Variants in KIAA1328 observed in about 807,000 individuals in gnomAD.
KIAA1328 encodes the protein protein hinderin.
A neutral mutation model predicts 68.1 loss-of-function variants in KIAA1328; 52 were observed. The ratio of observed to expected loss-of-function variants is 0.76; its 90% CI spans 0.61 to 0.96. The LOEUF (loss-of-function observed/expected upper bound fraction) is 0.96. KIAA1328 is among the 40% of genes least tolerant of loss of function. KIAA1328 has a pLI of 0.00. For missense variants in KIAA1328, 641 were observed against 677.6 expected, an observed-to-expected ratio of 0.95 and a Z score of 0.60; for synonymous variants, 232 against 239.4, an observed-to-expected ratio of 0.97 and a Z score of 0.28.
chr18:37,129,698 T>A (rs1010865246), intron 7 of KIAA1328, among the ~76,000 whole-genome samples: 4 of 152,214 alleles, frequency 2.6e-5, no homozygotes, highest in Non-Finnish European at 4.4e-5. Flanking sequence ...AATATTTACA[T>A]AATCATAATA....
chr18:37,054,825 T>G (rs1012799531), intron 6 of KIAA1328, among the ~76,000 whole-genome samples: 8 of 152,150 alleles, frequency 5.3e-5, no homozygotes, highest in Non-Finnish European at 1.2e-4. Context: ...TTAAAAAGAT[T>G]ATGAGATTTA....
At chr18:36,957,295 T>A (rs576951186) in intron 5 of KIAA1328, among the ~76,000 whole-genome samples, 2 of 152,198 alleles carry the variant, frequency 1.3e-5, no homozygotes, top group South Asian at 4.1e-4. Flanking sequence ...ACAGAATAAA[T>A]CCCATTGGAT....
At chr18:36,962,528 G>A (rs2051726420) in intron 6 of KIAA1328, among the ~76,000 whole-genome samples, 1 of 152,122 alleles carries the variant, frequency 6.6e-6, no homozygotes, top group Non-Finnish European at 1.5e-5. Context: ...ATTCTTCTCA[G>A]CACCACATCA....
chr18:36,968,622 C>G (rs2052041641), intron 6 of KIAA1328, among the ~76,000 whole-genome samples: 1 of 152,108 alleles, frequency 6.6e-6, no homozygotes, highest in Non-Finnish European at 1.5e-5. Flanking sequence ...CACAAGGCGA[C>G]CCAGATTCAT....
At chr18:37,216,702 G>A (rs563002083) in intron 9 of KIAA1328, among the ~76,000 whole-genome samples, 3 of 152,064 alleles carry the variant, frequency 2.0e-5, no homozygotes, top group Non-Finnish European at 2.9e-5. Context: ...CTGCTGTCTC[G>A]TTGATCTATC....
At chr18:37,054,384 C>T (rs1374285196) in intron 6 of KIAA1328, among the ~76,000 whole-genome samples, 1 of 152,070 alleles carries the variant, frequency 6.6e-6, no homozygotes, top group Non-Finnish European at 1.5e-5. Flanking sequence ...CAGCACTATT[C>T]ACAATAGCAA....
intron 5 of KIAA1328, among the ~76,000 whole-genome samples, chr18:36,915,719 A>T (rs2049667818): frequency 6.6e-6 from 1 of 152,056 alleles, no homozygotes; most frequent in Non-Finnish European, 1.5e-5. Context: ...AAATTCTCAT[A>T]TGTTGCTCAT....
rs902563013 is a variant in KIAA1328, at chr18:37,204,012, A to G, written c.1524-18005A>G. On this transcript the variant is annotated intron_variant, in intron 9 of 9. Coordinates refer to ENST00000280020, the MANE Select transcript of KIAA1328 (RefSeq NM_020776.3). ...TGTTTAGTAGAGATGGGGTTTCACC[A>G]TGTTAGCCAGGATAGTCTCGATCTC... is the stretch of plus-strand genomic sequence containing the variant. Among the ~76,000 whole-genome samples the G allele has an allele frequency of 5.3e-5, 8 of 152,036 alleles. No individual in the cohort carries two copies. In the South Asian group the frequency reaches 1.5e-3, roughly 28 times the overall value.
At chr18:37,023,981 CCTT>C (rs1411513629) in intron 6 of KIAA1328, among the ~76,000 whole-genome samples, 1 of 151,824 alleles carries the variant, frequency 6.6e-6, no homozygotes, top group Non-Finnish European at 1.5e-5. Flanking sequence ...TCAAGTAAGT[CCTT>C]CTTTCTATTA....
chr18:37,082,447 C>T (rs1380609607), intron 7 of KIAA1328, among the ~76,000 whole-genome samples: 1 of 152,158 alleles, frequency 6.6e-6, no homozygotes, highest in Non-Finnish European at 1.5e-5. Flanking sequence ...GCTGGGATTA[C>T]AGGCGTGAGC....
chr18:37,109,203 AGTCTTTGCTATTGT>A (rs1305687508), intron 7 of KIAA1328, among the ~76,000 whole-genome samples: 1 of 152,198 alleles, frequency 6.6e-6, no homozygotes, highest in African/African-American at 2.4e-5. Flanking sequence ...ATTGGTTCCA[AGTCTTTGCTATTGT>A]GAATAGTGCT....
intron 6 of KIAA1328, among the ~76,000 whole-genome samples, chr18:37,006,598 C>T (rs537304103): frequency 1.9e-3 from 287 of 151,884 alleles, no homozygotes; most frequent in Non-Finnish European, 3.1e-3. Context: ...CATATGTATA[C>T]GTGTGCCATG....
intron 7 of KIAA1328, among the ~76,000 whole-genome samples, chr18:37,081,049 C>T (rs55894152): frequency 0.11 from 16,058 of 151,756 alleles, 1,062 homozygotes; most frequent in Non-Finnish European, 0.13. Flanking sequence ...GGCGTGATCT[C>T]GACTCACTGC....
chr18:37,199,317 A>G (rs543191747), intron 9 of KIAA1328, among the ~76,000 whole-genome samples: 5 of 152,150 alleles, frequency 3.3e-5, no homozygotes, highest in Admixed American at 3.3e-4. Context: ...GTTACCGTTT[A>G]GCTCCCACTT....
At chr18:36,887,959 T>C (rs2048556069) in intron 5 of KIAA1328, among the ~76,000 whole-genome samples, 1 of 152,170 alleles carries the variant, frequency 6.6e-6, no homozygotes, top group Non-Finnish European at 1.5e-5. Context: ...GGTAAAATAC[T>C]TAAGAAAATT....
At chr18:37,093,400 C>G (rs1195718420) in intron 7 of KIAA1328, among the ~76,000 whole-genome samples, 1 of 152,022 alleles carries the variant, frequency 6.6e-6, no homozygotes. Flanking sequence ...ACAAAGAAAT[C>G]AGGAAAACAA....
At chr18:37,080,271 A>C (rs1339544556) in intron 7 of KIAA1328, among the ~76,000 whole-genome samples, 1 of 152,164 alleles carries the variant, frequency 6.6e-6, no homozygotes, top group Non-Finnish European at 1.5e-5. Context: ...GAGTTCCTTT[A>C]CTTGAAAGTG....
intron 6 of KIAA1328, among the ~76,000 whole-genome samples, chr18:37,044,659 G>C (rs1180271014): frequency 6.6e-6 from 1 of 151,968 alleles, no homozygotes; most frequent in Non-Finnish European, 1.5e-5. Flanking sequence ...AATTAGCTGG[G>C]CATGGTGGCA....
intron 5 of KIAA1328, among the ~76,000 whole-genome samples, chr18:36,904,480 T>C (rs533409084): frequency 3.0e-4 from 45 of 152,236 alleles, no homozygotes; most frequent in African/African-American, 9.9e-4. Flanking sequence ...GAAATTACCT[T>C]GTTTATTCCT....
Sources: allele counts gnomAD v4.1 joint callset (sites outside exome capture counted in the v4.1 genomes callset), GRCh38; gene constraint gnomAD v4.1.1; transcripts MANE v1.5; gene names NCBI Gene and HGNC (gene_info 2026-07-23, HGNC 2026-07-21).